CDH12: variants seen among roughly 807,000 people sequenced by gnomAD.
CDH12 encodes cadherin-12.
In CDH12, 41 loss-of-function variants were observed where a neutral mutation model predicts 74.1. The ratio of observed to expected loss-of-function variants is 0.55; its 90% CI spans 0.43 to 0.72. The LOEUF is 0.72. CDH12 is among the 30% of genes least tolerant of loss of function. CDH12 has a pLI of 0.00. For missense variants in CDH12, 945 were observed against 977.2 expected, an observed-to-expected ratio of 0.97 and a Z score of 0.44; for synonymous variants, 399 against 355.0, an observed-to-expected ratio of 1.12 and a Z score of -1.39.
intron 5 of CDH12, among the ~76,000 whole-genome samples, chr5:22,035,198 G>A (rs1349675463): frequency 6.6e-6 from 1 of 152,072 alleles, no homozygotes; most frequent in Non-Finnish European, 1.5e-5. Flanking sequence ...GAGTGTCTGG[G>A]TCTTCTGGAA....
At chr5:22,701,148 T>G (rs1489899059) in intron 1 of CDH12, among the ~76,000 whole-genome samples, 1 of 152,158 alleles carries the variant, frequency 6.6e-6, no homozygotes, top group Non-Finnish European at 1.5e-5. Flanking sequence ...AAGGCCACCT[T>G]AGAGGCTCCT....
chr5:22,024,327 C>T (rs1738198380), intron 5 of CDH12, among the ~76,000 whole-genome samples: 1 of 151,856 alleles, frequency 6.6e-6, no homozygotes, highest in Non-Finnish European at 1.5e-5. Context: ...TCAGATAAAA[C>T]AAAACAAAAC....
chr5:22,167,994 G>A lies in CDH12; in HGVS notation c.-187+44504C>T, dbSNP rs71609273. 3.9e-5 allele frequency among the ~76,000 whole-genome samples: 6 copies of A among 152,122 alleles called. No homozygotes were observed. The East Asian group carries it at 7.7e-4, about 20-fold the overall frequency. ...ATAAGGTTCTTTTTCCTCTCAATAC[G>A]TGTAACTGCCACATATAGCAACCGA... On this transcript the variant is annotated intron_variant, in intron 4 of 14. Transcript: ENST00000382254.
Position 21,802,420 on chromosome 5 carries a change from G to T in CDH12, c.1003C>A (p.Pro335Thr), listed in dbSNP as rs576556751. The change falls in exon 10 of 15, where the codon CCT becomes ACT. Residue 335 changes from proline (P) to threonine (T), a missense_variant and splice_region_variant. Physicochemically the swap from Pro to Thr is conservative, Grantham distance 38. Coordinates refer to ENST00000382254, the MANE Select transcript of CDH12 (RefSeq NM_004061.5). ...TQEGVIKLKK[P>T]LDFETKKAYT... ...GCCTTCTTTGTTTCAAAATCTAAAG[G>T]CTGTAGTGAGGACAAATTAAGAATA... 6.2e-7 allele frequency: 1 copy of T among 1,611,356 alleles called. No homozygotes were observed. The highest frequency in any genetic ancestry group is 8.5e-7 in the Non-Finnish European group (1 of 1,177,770).
At chr5:22,102,497 C>T (rs1176939900) in intron 4 of CDH12, among the ~76,000 whole-genome samples, 2 of 151,892 alleles carry the variant, frequency 1.3e-5, no homozygotes, top group African/African-American at 2.4e-5. Flanking sequence ...GGTGAAGCCC[C>T]GTCTCTACTA....
intron 2 of CDH12, among the ~76,000 whole-genome samples, chr5:22,476,048 T>C (rs1369477401): frequency 6.6e-6 from 1 of 152,066 alleles, no homozygotes; most frequent in Non-Finnish European, 1.5e-5. Flanking sequence ...CTTTCCAAAT[T>C]ATTCCTCCCT....
intron 5 of CDH12, among the ~76,000 whole-genome samples, chr5:22,015,214 AGAG>A (rs1162692205): frequency 6.6e-6 from 1 of 152,198 alleles, no homozygotes; most frequent in Non-Finnish European, 1.5e-5. Flanking sequence ...GAAAAAGGAA[AGAG>A]GAGGTTTTGA....
At chr5:22,666,941 C>A (rs1740654242) in intron 1 of CDH12, among the ~76,000 whole-genome samples, 1 of 152,130 alleles carries the variant, frequency 6.6e-6, no homozygotes, top group Non-Finnish European at 1.5e-5. Flanking sequence ...GTTCTTATAT[C>A]TGACTCTAAC....
intron 2 of CDH12, among the ~76,000 whole-genome samples, chr5:22,444,935 A>C: frequency 6.6e-6 from 1 of 152,110 alleles, no homozygotes; most frequent in South Asian, 2.1e-4. Flanking sequence ...CAGAAGACAT[A>C]TTTTTCTTTC....
At chr5:22,127,273 T>C (rs1377406760) in intron 4 of CDH12, among the ~76,000 whole-genome samples, 1 of 149,404 alleles carries the variant, frequency 6.7e-6, no homozygotes, top group Non-Finnish European at 1.5e-5. Context: ...AGGTCAGGAG[T>C]TCAAGACCAG....
At chr5:22,027,127 C>T (rs1016284119) in intron 5 of CDH12, among the ~76,000 whole-genome samples, 8 of 151,888 alleles carry the variant, frequency 5.3e-5, no homozygotes, top group African/African-American at 9.7e-5. Context: ...TTTTGATTTG[C>T]GTATATTGAA....
chr5:22,308,583 T>C (rs927473984), intron 3 of CDH12, among the ~76,000 whole-genome samples: 1 of 152,194 alleles, frequency 6.6e-6, no homozygotes, highest in Non-Finnish European at 1.5e-5. Flanking sequence ...CTAAAAACCA[T>C]TTAATTGTAT....
At chr5:22,694,275 A>G (rs269017) in intron 1 of CDH12, among the ~76,000 whole-genome samples, 16,522 of 152,222 alleles carry the variant, frequency 0.11, 2,120 homozygotes, top group African/African-American at 0.31. Context: ...TTAAAATAAC[A>G]AATTGCTTTT....
chr5:22,314,463 A>T (rs759355908), intron 3 of CDH12, among the ~76,000 whole-genome samples: 4 of 152,208 alleles, frequency 2.6e-5, no homozygotes, highest in South Asian at 2.1e-4. Flanking sequence ...ATGCTTGGAC[A>T]CAGCAGGAAG....
At chr5:22,390,837 C>T (rs1279853503) in intron 3 of CDH12, among the ~76,000 whole-genome samples, 1 of 152,036 alleles carries the variant, frequency 6.6e-6, no homozygotes, top group Non-Finnish European at 1.5e-5. Flanking sequence ...TAATCTTAAA[C>T]ATAAGTATGT....
At chr5:22,497,970 T>G (rs2126650873) in intron 2 of CDH12, among the ~76,000 whole-genome samples, 1 of 152,104 alleles carries the variant, frequency 6.6e-6, no homozygotes, top group African/African-American at 2.4e-5. Flanking sequence ...TTCTATAATC[T>G]TTCTCCACTC....
intron 3 of CDH12, among the ~76,000 whole-genome samples, chr5:22,347,536 C>A (rs750520965): frequency 7.9e-5 from 12 of 152,168 alleles, no homozygotes; most frequent in Non-Finnish European, 1.6e-4. Flanking sequence ...TTCCTTGCTC[C>A]TCAGCCTGCA....
At chr5:22,009,243 A>C (rs1420275633) in intron 5 of CDH12, among the ~76,000 whole-genome samples, 1 of 152,182 alleles carries the variant, frequency 6.6e-6, no homozygotes, top group Non-Finnish European at 1.5e-5. Context: ...AAACAGAATT[A>C]ATAACGCCAG....
intron 1 of CDH12, among the ~76,000 whole-genome samples, chr5:22,842,893 G>C (rs1390093413): frequency 6.6e-6 from 1 of 152,018 alleles, no homozygotes; most frequent in African/African-American, 2.4e-5. Context: ...CAAAGGAAAA[G>C]TGAGATAATG....
Sources: gnomAD v4.1 joint callset for allele counts (sites outside exome capture counted in the v4.1 genomes callset) on GRCh38, gnomAD v4.1.1 for gene constraint, MANE v1.5 for transcripts, NCBI Gene and HGNC (gene_info 2026-07-23, HGNC 2026-07-21) for gene names.